Variants in ZNF469 observed in about 807,000 individuals in gnomAD.
ZNF469 encodes zinc finger protein 469.
ZNF469 carries 1 observed loss-of-function variant against 1.0 expected under a neutral mutation model. That is an observed-to-expected ratio of 1.00 (90% confidence interval 0.35 to 4.73). The LOEUF (loss-of-function observed/expected upper bound fraction) is 4.73. ZNF469 is among the 30% of genes most tolerant of loss of function. The probability of loss-of-function intolerance (pLI) is 0.16; values close to 1 mark genes in which losing one functional copy is unlikely to be tolerated. For missense variants in ZNF469, 6,100 were observed against 5,356.3 expected, an observed-to-expected ratio of 1.14 and a Z score of -4.33; for synonymous variants, 2,703 against 2,363.4, an observed-to-expected ratio of 1.14 and a Z score of -4.17.
chr16:88,252,782 T>G, the ZNF469 span, among the ~76,000 whole-genome samples: 1 of 152,168 alleles, frequency 6.6e-6, no homozygotes, highest in Non-Finnish European at 1.5e-5. Flanking sequence ...GACAAATGTA[T>G]AGCCTATATA....
At chr16:88,376,112 C>T in the ZNF469 span, among the ~76,000 whole-genome samples, 9 of 152,346 alleles carry the variant, frequency 5.9e-5, no homozygotes, top group South Asian at 2.1e-4. Context: ...GGGAGAAGGA[C>T]GCCGCTGTTC....
the ZNF469 span, among the ~76,000 whole-genome samples, chr16:88,305,502 G>T: frequency 8.5e-6 from 1 of 117,552 alleles, no homozygotes; most frequent in Non-Finnish European, 1.7e-5. Context: ...AGGCACACAC[G>T]CACACCCTCA....
the ZNF469 span, among the ~76,000 whole-genome samples, chr16:88,197,230 G>A: frequency 5.3e-5 from 8 of 152,168 alleles, no homozygotes; most frequent in South Asian, 2.1e-4. Flanking sequence ...GAGCAAAGAC[G>A]TCAGGAAGCA....
the ZNF469 span, among the ~76,000 whole-genome samples, chr16:88,373,864 G>A: frequency 6.6e-6 from 1 of 152,284 alleles, no homozygotes; most frequent in South Asian, 2.1e-4. Context: ...GAGCGTGGTG[G>A]TGCACGCCTG....
rs1905606018 is a variant in ZNF469, at chr16:88,424,260, ATGT to A, written c.-191-542_-191-540del. Among the ~76,000 whole-genome samples the A allele has an allele frequency of 6.6e-6, 1 of 152,214 alleles. No homozygotes were observed. Among genetic ancestry groups the A allele is most frequent in the Admixed American group, 6.5e-5 (1 of 15,284 alleles). ...AATGTTGTGGGATTATCTACAGGAT[ATGT>A]TGTTACATGAAAAAAAGGTCAGGTG... On this transcript the variant is annotated intron_variant, in intron 1 of 2. Transcript: ENST00000565624. The surrounding 1 kb of genome is among the most constrained non-coding windows in gnomAD (Gnocchi z 4.3).
chr16:88,212,234 G>A, the ZNF469 span, among the ~76,000 whole-genome samples: 9 of 152,064 alleles, frequency 5.9e-5, no homozygotes, highest in Admixed American at 2.0e-4. Context: ...TGTTCCAAAC[G>A]GATTGCCCCA....
chr16:88,396,308 G>A (rs1904656190), intron 1 of ZNF469, among the ~76,000 whole-genome samples: 1 of 152,258 alleles, frequency 6.6e-6, no homozygotes, highest in Non-Finnish European at 1.5e-5. Context: ...CTGCTTTTCT[G>A]CACATCAGCT....
rs2142310694 is a variant in ZNF469, at chr16:88,434,736, C to T, written c.7266C>T (p.Ser2422=). 3 of 1,550,394 alleles carry T rather than the reference C, an allele frequency of 1.9e-6. No homozygotes were observed. The highest frequency in any genetic ancestry group is 2.4e-5 in the South Asian group (2 of 84,056). Residue 2422 remains serine, a synonymous_variant, in exon 3 of 3, where the codon TCC becomes TCT. Coordinates refer to ENST00000565624, the MANE Select transcript of ZNF469 (RefSeq NM_001367624.2). ...CAGCCAGTGACTTCCAGTCTGACTC[C>T]CCCCAAAGCCACAGAAATGCCTCCC... The part of the protein sequence containing the change: ...SSTASDFQSD[S]PQSHRNASHQ...
At chr16:88,236,216 GA>G in the ZNF469 span, among the ~76,000 whole-genome samples, 2 of 152,248 alleles carry the variant, frequency 1.3e-5, no homozygotes, top group Admixed American at 1.3e-4. Flanking sequence ...CCTGGAAAGG[GA>G]AGAGGATTCT....
the ZNF469 span, among the ~76,000 whole-genome samples, chr16:88,146,513 C>T: frequency 4.6e-5 from 7 of 152,226 alleles, no homozygotes; most frequent in African/African-American, 1.7e-4. Context: ...GCACCCTCCC[C>T]CCAGTCTCAG....
In ZNF469 at chr16:88,439,780, T is replaced by C. The variant is rs1906871865; in HGVS notation, c.*448T>C. ...TCCCTCTTAGTCTTGCTGCTGTTGCTGGAATTCCAAAGTGACCTTAGAAAC... is the reference window on the plus strand; with the variant it reads ...TCCCTCTTAGTCTTGCTGCTGTTGCCGGAATTCCAAAGTGACCTTAGAAAC... On this transcript the variant is annotated 3_prime_UTR_variant, in exon 3 of 3. Coordinates refer to ENST00000565624, the MANE Select transcript of ZNF469 (RefSeq NM_001367624.2). 2 of 241,588 alleles carry C rather than the reference T, an allele frequency of 8.3e-6. No homozygotes were observed. Among genetic ancestry groups the C allele is most frequent in the South Asian group, 1.1e-4 (2 of 18,480 alleles). 15.0% of individuals were successfully genotyped at this position (241,588 alleles called of 1,614,324 possible).
chr16:88,274,891 G>A, the ZNF469 span, among the ~76,000 whole-genome samples: 10 of 152,242 alleles, frequency 6.6e-5, no homozygotes, highest in African/African-American at 2.4e-4. Context: ...TTATGGGGCA[G>A]CACTGGCCCC....
the ZNF469 span, among the ~76,000 whole-genome samples, chr16:88,117,940 A>C: frequency 2.0e-5 from 3 of 152,064 alleles, no homozygotes; most frequent in Non-Finnish European, 4.4e-5. Flanking sequence ...CCATACTGTG[A>C]TTTTATTTCT....
At chr16:88,244,356 G>A in the ZNF469 span, among the ~76,000 whole-genome samples, 3 of 151,074 alleles carry the variant, frequency 2.0e-5, no homozygotes, top group Non-Finnish European at 3.0e-5. Flanking sequence ...TGGGTGAATG[G>A]GTGGATGGAT....
At chr16:88,384,048 C>T (rs1408138955) in intron 1 of ZNF469, among the ~76,000 whole-genome samples, 2 of 152,244 alleles carry the variant, frequency 1.3e-5, no homozygotes, top group Non-Finnish European at 2.9e-5. Context: ...GGGGGGGCAG[C>T]TCAGCTGCCA....
the ZNF469 span, among the ~76,000 whole-genome samples, chr16:88,243,944 ATATAT>A: frequency 2.0e-4 from 24 of 122,594 alleles, no homozygotes; most frequent in East Asian, 7.8e-4. Context: ...ATATATATAT[ATATAT>A]ATAAATGTAT....
chr16:88,422,143 AAC>A (rs1451310326), intron 1 of ZNF469, among the ~76,000 whole-genome samples: 7 of 118,442 alleles, frequency 5.9e-5, no homozygotes, highest in African/African-American at 2.3e-4. Flanking sequence ...GTGATGGGTG[AAC>A]GGGTGGGTGG....
At chr16:88,187,525 T>C in the ZNF469 span, among the ~76,000 whole-genome samples, 1 of 152,218 alleles carries the variant, frequency 6.6e-6, no homozygotes, top group Non-Finnish European at 1.5e-5. Flanking sequence ...TGTGGGAACA[T>C]GGCACCAGCC....
At chr16:88,135,641 C>T in the ZNF469 span, among the ~76,000 whole-genome samples, 1 of 152,108 alleles carries the variant, frequency 6.6e-6, no homozygotes, top group South Asian at 2.1e-4. Flanking sequence ...CACCCGGGGC[C>T]CCTCTTTCCT....
Sources: allele counts gnomAD v4.1 joint callset (sites outside exome capture counted in the v4.1 genomes callset), GRCh38; gene constraint gnomAD v4.1.1; non-coding constraint Gnocchi (gnomAD v3.1); transcripts MANE v1.5; gene names NCBI Gene and HGNC (gene_info 2026-07-23, HGNC 2026-07-21).